Variants in MAGEB16 observed in about 807,000 individuals in gnomAD.
MAGEB16 encodes the protein melanoma-associated antigen B16.
For missense variants in MAGEB16, 217 were observed against 234.0 expected, an observed-to-expected ratio of 0.93 and a Z score of 0.47; for synonymous variants, 95 against 92.1, an observed-to-expected ratio of 1.03 and a Z score of -0.18.
chrX:35,798,388 C>T lies in MAGEB16; in HGVS notation c.-97C>T, dbSNP rs1370338552. 9.1e-6 allele frequency: 1 copy of T among 110,385 alleles called. No homozygotes were observed. 9.1% of individuals were successfully genotyped at this position (110,385 alleles called of 1,213,427 possible). On this transcript the variant is annotated 5_prime_UTR_variant, in exon 1 of 2. It adds an upstream start codon to the 5' untranslated region. Transcript: ENST00000399988. ...AGGTGCACCCTAGTCATCAGAGGAA[C>T]GAGTCGCTGCAGGCACTGTCAGGTG...
chrX:35,800,052 T>C (rs1278979127), intron 1 of MAGEB16, among the ~76,000 whole-genome samples: 1 of 110,494 alleles, frequency 9.1e-6, no homozygotes, highest in African/African-American at 3.3e-5. Flanking sequence ...GGCCCCACAG[T>C]CTCCACCCAT....
At chrX:35,802,775 G>T (rs1934876883) in exon 2 of MAGEB16, 7 of 1,209,396 alleles carry the variant, frequency 5.8e-6, no homozygotes. Context: ...ATGATGGGAT[G>T]CTGAGTGGTG....
Position 35,801,457 on chromosome X carries a change from A to C in MAGEB16, c.-66-674A>C, listed in dbSNP as rs376823261. The stretch of plus-strand genomic sequence containing the variant: ...CCCCAGAAGAGCAGGGATTCTGAAG[A>C]CTCAAGTACTGCACTGTTGTCAGCC... On this transcript the variant is annotated intron_variant, in intron 1 of 1. Transcript: ENST00000399988. The C allele has an allele frequency of 8.1e-5, 9 of 111,742 alleles. No homozygotes were observed. The East Asian group carries it at 2.0e-3, about 25-fold the overall frequency. The allele number at this position is 111,742 out of a possible 1,213,427, so 9.2% of individuals were successfully genotyped here.
intron 1 of MAGEB16, chrX:35,798,727 C>G (rs1412136089): frequency 3.6e-5 from 4 of 111,934 alleles, no homozygotes; most frequent in Non-Finnish European, 7.5e-5. Flanking sequence ...GGCTTGGGGG[C>G]AAGGGCAGCC....
chrX:35,803,384 CT>C, exon 2 of MAGEB16: 1 of 337,259 alleles, frequency 3.0e-6, no homozygotes, highest in Non-Finnish European at 5.3e-6. Flanking sequence ...ACAGTTTATT[CT>C]TTTATTTTTT....
intron 1 of MAGEB16, among the ~76,000 whole-genome samples, chrX:35,799,649 G>A (rs749977073): frequency 1.2e-4 from 13 of 111,754 alleles, no homozygotes; most frequent in Non-Finnish European, 2.3e-4. Flanking sequence ...ACAAGTCACA[G>A]GGAATGTTTG....
At chrX:35,799,589 T>G (rs1266171331) in intron 1 of MAGEB16, among the ~76,000 whole-genome samples, 1 of 110,894 alleles carries the variant, frequency 9.0e-6, no homozygotes, top group African/African-American at 3.3e-5. Context: ...TTGGCAGGTT[T>G]CATTGAGTTC....
chrX:35,803,253 G>T, exon 2 of MAGEB16: 2 of 983,619 alleles, frequency 2.0e-6, no homozygotes, highest in Non-Finnish European at 2.7e-6. Flanking sequence ...GTGAAGACAA[G>T]GATAGATGTT....
chrX:35,800,708 C>T (rs775190347), intron 1 of MAGEB16: 1 of 457,172 alleles, frequency 2.2e-6, no homozygotes, highest in Admixed American at 3.6e-5. Context: ...ATTTCCTGTT[C>T]AGTGAACTCA....
chrX:35,802,109 A>G, intron 1 of MAGEB16, 22 bp from the exon 2 acceptor site: 4 of 1,132,610 alleles, frequency 3.5e-6, no homozygotes, highest in Non-Finnish European at 4.8e-6. Context: ...GAGGACATTT[A>G]CACCCTTTCT....
At chrX:35,803,293 GT>G in exon 2 of MAGEB16, 1 of 763,655 alleles carries the variant, frequency 1.3e-6, no homozygotes, top group Non-Finnish European at 1.8e-6. Flanking sequence ...GGCAGTTAGT[GT>G]TCAAGGATGC....
intron 1 of MAGEB16, among the ~76,000 whole-genome samples, chrX:35,799,557 C>G (rs1934844963): frequency 9.0e-6 from 1 of 111,433 alleles, no homozygotes; most frequent in African/African-American, 3.3e-5. Context: ...TTACATCAGG[C>G]CAGCAGAAGG....
At chrX:35,800,448 G>C in intron 1 of MAGEB16, 1 of 521,479 alleles carries the variant, frequency 1.9e-6, no homozygotes, top group East Asian at 3.6e-5. Context: ...ACAGACTTAA[G>C]ACTGAGAGAT....
chrX:35,803,541 T>C (rs1042514654), exon 2 of MAGEB16: 5 of 149,140 alleles, frequency 3.4e-5, no homozygotes, highest in Non-Finnish European at 5.7e-5. Flanking sequence ...GTAAAACAGA[T>C]TGGGAAACCA....
exon 2 of MAGEB16, chrX:35,802,756 G>C: frequency 8.3e-7 from 1 of 1,211,373 alleles, no homozygotes; most frequent in South Asian, 1.8e-5. Flanking sequence ...ATCAAACTGG[G>C]CCTCACCTAT....
At chrX:35,799,765 G>A (rs189886719) in intron 1 of MAGEB16, among the ~76,000 whole-genome samples, 2 of 111,746 alleles carry the variant, frequency 1.8e-5, no homozygotes, top group African/African-American at 6.5e-5. Flanking sequence ...AGAAGGATAA[G>A]TCCCAGACCA....
chrX:35,803,051 C>G, exon 2 of MAGEB16: 1 of 1,211,987 alleles, frequency 8.3e-7, no homozygotes, highest in Non-Finnish European at 1.1e-6. Flanking sequence ...AAGCTGAAAC[C>G]AGCAAGATGA....
exon 2 of MAGEB16, chrX:35,803,289 T>C: frequency 1.2e-6 from 1 of 825,480 alleles, no homozygotes; most frequent in Non-Finnish European, 1.7e-6. Context: ...AGAAGGCAGT[T>C]AGTGTTCAAG....
At chrX:35,799,399 G>A (rs969422114) in intron 1 of MAGEB16, among the ~76,000 whole-genome samples, 1 of 111,650 alleles carries the variant, frequency 9.0e-6, no homozygotes, top group African/African-American at 3.3e-5. Flanking sequence ...GACCCCGTGT[G>A]AGAATTATGG....
Sources: gnomAD v4.1 joint callset for allele counts (sites outside exome capture counted in the v4.1 genomes callset) on GRCh38, gnomAD v4.1.1 for gene constraint, MANE v1.5 for transcripts, NCBI Gene and HGNC (gene_info 2026-07-23, HGNC 2026-07-21) for gene names.